The following PIK3C2G variants were observed in gnomAD, a reference collection of about 807,000 sequenced individuals.
The protein encoded by PIK3C2G is phosphatidylinositol 3-kinase C2 domain-containing subunit gamma.
PIK3C2G carries 168 observed loss-of-function variants against 181.1 expected under a neutral mutation model. That is an observed-to-expected ratio of 0.93 (90% CI 0.82 to 1.05). The LOEUF (loss-of-function observed/expected upper bound fraction) is 1.05, where lower values mean the gene tolerates loss of function less well. PIK3C2G is among the 50% of genes least tolerant of loss of function. The pLI is 0.00. For synonymous variants in PIK3C2G, 573 were observed against 592.2 expected (o/e 0.97, Z 0.47); for missense variants, 1,869 against 1,732.8 (o/e 1.08, Z -1.40).
intron 16 of PIK3C2G, among the ~76,000 whole-genome samples, chr12:18,405,372 G>A (rs1944466389): frequency 6.6e-6 from 1 of 151,486 alleles, no homozygotes; most frequent in African/African-American, 2.4e-5. Context: ...GGCCAGAGAT[G>A]GAACTCTGGA....
chr12:18,414,084 T>C (rs10841023), intron 16 of PIK3C2G, among the ~76,000 whole-genome samples: 32,223 of 152,082 alleles, frequency 0.21, 3,638 homozygotes, highest in Admixed American at 0.34. Flanking sequence ...AAGTTAAGCA[T>C]AAATTCTCCA....
the PIK3C2G span, among the ~76,000 whole-genome samples, chr12:18,678,910 A>G: frequency 2.0e-5 from 3 of 152,066 alleles, no homozygotes; most frequent in Admixed American, 1.3e-4. Flanking sequence ...TTTGTAAGAA[A>G]TGGTCAAACT....
intron 1 of PIK3C2G, among the ~76,000 whole-genome samples, chr12:18,269,860 C>G (rs1358243243): frequency 6.6e-6 from 1 of 151,128 alleles, no homozygotes; most frequent in Non-Finnish European, 1.5e-5. Flanking sequence ...AATGATGTGG[C>G]TACTATTTGT....
Position 18,538,324 on chromosome 12 carries a change from G to A in PIK3C2G, c.3480+12G>A. 6.3e-7 allele frequency: 1 copy of A among 1,575,414 alleles called. No individual in the cohort carries two copies. Among genetic ancestry groups the A allele is most frequent in the Non-Finnish European group, 8.6e-7 (1 of 1,166,844 alleles). On this transcript the variant is annotated intron_variant, in intron 25 of 32. Transcript: ENST00000538779. ...ACCTGCTGGAAATGGTAAGTCCCTT[G>A]GGAAAAAAAAACAAAAATAATAAGC...
intron 31 of PIK3C2G, among the ~76,000 whole-genome samples, chr12:18,633,616 T>C (rs1335871270): frequency 1.3e-5 from 2 of 152,168 alleles, no homozygotes; most frequent in Non-Finnish European, 2.9e-5. Flanking sequence ...TTGCCCTAAA[T>C]GATCGCCTGT....
upstream of PIK3C2G, among the ~76,000 whole-genome samples, chr12:18,257,028 G>T (rs10770341): frequency 0.42 from 63,949 of 151,880 alleles, 14,088 homozygotes; most frequent in East Asian, 0.75. Context: ...CAGGGAAACA[G>T]CTTTTGCCAT....
chr12:18,331,743 G>T (rs1408055733), intron 8 of PIK3C2G, among the ~76,000 whole-genome samples: 1 of 151,958 alleles, frequency 6.6e-6, no homozygotes, highest in Non-Finnish European at 1.5e-5. Flanking sequence ...CTATTTTGAG[G>T]GAGAACTTTA....
intron 8 of PIK3C2G, among the ~76,000 whole-genome samples, chr12:18,330,969 T>C (rs74070240): frequency 0.022 from 3,401 of 152,292 alleles, 147 homozygotes; most frequent in African/African-American, 0.078. Context: ...TTAATAAAGA[T>C]TTGCCCACAG....
chr12:18,365,819 T>C (rs1382091557), intron 12 of PIK3C2G, among the ~76,000 whole-genome samples: 1 of 152,198 alleles, frequency 6.6e-6, no homozygotes, highest in Admixed American at 6.5e-5. Context: ...AAATTTCTGA[T>C]CTTACATTTC....
chr12:18,601,160 T>C (rs1303855033), intron 30 of PIK3C2G, among the ~76,000 whole-genome samples: 2 of 151,936 alleles, frequency 1.3e-5, no homozygotes. Context: ...ATACATAATA[T>C]ATAATACATA....
intron 24 of PIK3C2G, among the ~76,000 whole-genome samples, chr12:18,536,466 A>G (rs549654580): frequency 6.6e-6 from 1 of 152,256 alleles, no homozygotes; most frequent in South Asian, 2.1e-4. Context: ...CCAGAGTCAT[A>G]GAACTACTAT....
chr12:18,468,985 A>G (rs1288591713), intron 18 of PIK3C2G, among the ~76,000 whole-genome samples: 2 of 152,084 alleles, frequency 1.3e-5, no homozygotes, highest in East Asian at 3.9e-4. Context: ...GAGAAGAAAA[A>G]GACCAACATG....
At chr12:18,706,048 G>A in the PIK3C2G span, among the ~76,000 whole-genome samples, 14 of 151,996 alleles carry the variant, frequency 9.2e-5, no homozygotes, top group South Asian at 4.2e-4. Context: ...CCAACATGGC[G>A]AAACCCCATC....
At chr12:18,711,514 C>A in the PIK3C2G span, among the ~76,000 whole-genome samples, 1 of 137,230 alleles carries the variant, frequency 7.3e-6, no homozygotes, top group Non-Finnish European at 1.6e-5. Flanking sequence ...TGCACATGTA[C>A]CCTAAAACTT....
At chr12:18,447,918 A>T (rs1220549409) in intron 18 of PIK3C2G, among the ~76,000 whole-genome samples, 1 of 152,196 alleles carries the variant, frequency 6.6e-6, no homozygotes, top group African/African-American at 2.4e-5. Flanking sequence ...TTGAGAATAC[A>T]TCAATAACAT....
chr12:18,546,411 A>G lies in PIK3C2G; in HGVS notation c.3569A>G (p.Glu1190Gly). The change falls in exon 26 of 33, where the codon GAA becomes GGA. Residue 1190 changes from glutamate to glycine, a missense_variant. By Grantham distance (98) the Glu-to-Gly change is moderately conservative (BLOSUM62 -2). Transcript: ENST00000538779. ...NNLRPQDTDLEATSHFTKKIK... is the reference protein window; with the variant it reads ...NNLRPQDTDLGATSHFTKKIK... ...CTTCGTCCACAAGACACAGACCTGG[A>G]AGCAACAAGTCATTTTACCAAGTAA... The G allele has an allele frequency of 6.3e-7, 1 of 1,591,866 alleles. No individual in the cohort carries two copies. Among genetic ancestry groups the G allele is most frequent in the South Asian group, 1.1e-5 (1 of 88,252 alleles).
At chr12:18,272,605 A>G (rs1267083060) in intron 1 of PIK3C2G, among the ~76,000 whole-genome samples, 1 of 152,212 alleles carries the variant, frequency 6.6e-6, no homozygotes, top group Non-Finnish European at 1.5e-5. Flanking sequence ...TGACAAAATA[A>G]ATGTTTGATT....
Position 18,286,918 on chromosome 12 carries a change from C to A in PIK3C2G, c.750C>A (p.Asn250Lys). Reference sequence around the variant, plus strand: ...ATACGAGTCTGGCCTCTTTTTGCAACAAAGTAAAAAAGTGAGTACTGGTAT... The same window carrying A: ...ATACGAGTCTGGCCTCTTTTTGCAAAAAAGTAAAAAAGTGAGTACTGGTAT... ...SSNTSLASFC[N>K]KVKKIRERYH... Residue 250 changes from asparagine to lysine, a missense_variant, in exon 3 of 33, where the codon AAC becomes AAA. Physicochemically the swap from Asn to Lys is moderately conservative, Grantham distance 94. Coordinates refer to ENST00000538779, the MANE Select transcript of PIK3C2G (RefSeq NM_001288772.2). The A allele has an allele frequency of 6.4e-7, 1 of 1,550,974 alleles. No homozygotes were observed. Among genetic ancestry groups the A allele is most frequent in the Admixed American group, 1.9e-5 (1 of 51,302 alleles).
chr12:18,450,066 TA>T (rs1181174830), intron 18 of PIK3C2G, among the ~76,000 whole-genome samples: 4 of 152,214 alleles, frequency 2.6e-5, no homozygotes, highest in Non-Finnish European at 1.5e-5. Context: ...TTTGGCCACA[TA>T]AGTGTCTTCT....
Sources: gnomAD v4.1 joint callset for allele counts (sites outside exome capture counted in the v4.1 genomes callset) on GRCh38, gnomAD v4.1.1 for gene constraint, MANE v1.5 for transcripts, NCBI Gene and HGNC (gene_info 2026-07-23, HGNC 2026-07-21) for gene names.